SLC8A3: variants seen among roughly 807,000 people sequenced by gnomAD.
The protein encoded by SLC8A3 is sodium/calcium exchanger 3.
Under a neutral mutation model 65.4 loss-of-function variants are expected in SLC8A3, and 37 were observed. The observed-to-expected ratio is 0.57, with a 90% CI of 0.44 to 0.74. The LOEUF (loss-of-function observed/expected upper bound fraction) is 0.74. Ranked by LOEUF, SLC8A3 falls within the 30% of genes least tolerant of loss-of-function variation. The pLI is 0.00. For synonymous variants in SLC8A3, 461 were observed against 444.5 expected (o/e 1.04, Z -0.47); for missense variants, 1,112 against 1,172.1 (o/e 0.95, Z 0.75).
At chr14:70,139,945 C>T (rs1228663688) in intron 2 of SLC8A3, among the ~76,000 whole-genome samples, 2 of 152,126 alleles carry the variant, frequency 1.3e-5, no homozygotes, top group Admixed American at 6.5e-5. Flanking sequence ...TCTGCAAGTT[C>T]GTTGAATCAT....
rs189511573 is a variant in SLC8A3 at position 70,050,173 on chromosome 14, G to A, written c.2113+835C>T. On this transcript the variant is annotated intron_variant, in intron 5 of 6. Coordinates refer to ENST00000356921, the MANE Select transcript of SLC8A3 (RefSeq NM_182932.3). ...GGGTAGATGATGTGGCCTACATTCCGTTTATTGTCTTGAGGGGCACAGTCA... is the reference window on the plus strand; with the variant it reads ...GGGTAGATGATGTGGCCTACATTCCATTTATTGTCTTGAGGGGCACAGTCA... Among the ~76,000 whole-genome samples the A allele has an allele frequency of 3.6e-3, 551 of 152,202 alleles. 3 individuals are homozygous for A. The highest frequency in any genetic ancestry group is 0.01 in the Middle Eastern group (3 of 294).
In SLC8A3 at chr14:70,167,420, G is replaced by A. The variant is rs774946674; in HGVS notation, c.1003C>T (p.Leu335=). The A allele has an allele frequency of 2.5e-6, 4 of 1,614,002 alleles. No individual in the cohort carries two copies. The highest frequency in any genetic ancestry group is 3.4e-6 in the Non-Finnish European group (4 of 1,180,028). ...QKHPEKDLDQ[L]VEMANYYALS... The stretch of plus-strand genomic sequence containing the variant: ...GCATAGTAATTGGCCATCTCCACCA[G>A]CTGATCTAAGTCCTTCTCTGGGTGT... The change falls in exon 2 of 7, where the codon CTG becomes TTG. Residue 335 remains leucine (L), a synonymous_variant. Coordinates refer to ENST00000356921, the MANE Select transcript of SLC8A3 (RefSeq NM_182932.3).
At position 70,168,239 on chromosome 14, in the gene SLC8A3, T is replaced by C. The variant is rs760198100; in HGVS notation, c.184A>G (p.Ile62Val). Reference sequence around the variant, plus strand: ...AGGGAAGGGTTCTCCGGGTACCAGATTGGCAGGATGACACCCTCCTTGCAG... The same window carrying C: ...AGGGAAGGGTTCTCCGGGTACCAGACTGGCAGGATGACACCCTCCTTGCAG... Reference protein sequence around the residue: ...SDCKEGVILPIWYPENPSLGD... With the variant: ...SDCKEGVILPVWYPENPSLGD... The change falls in exon 2 of 7, where the codon ATC (isoleucine) becomes GTC (valine). Residue 62 changes from isoleucine to valine, a missense_variant. Transcript: ENST00000356921. 3.1e-6 allele frequency: 5 copies of C among 1,614,152 alleles called. No homozygotes were observed. In the Admixed American group the frequency reaches 5.0e-5, roughly 16 times the overall value.
chr14:70,088,236 T>A (rs550002634), intron 2 of SLC8A3, among the ~76,000 whole-genome samples: 1 of 152,290 alleles, frequency 6.6e-6, no homozygotes, highest in East Asian at 1.9e-4. Flanking sequence ...GAGATATACA[T>A]CTGTTTGGTG....
intron 2 of SLC8A3, among the ~76,000 whole-genome samples, chr14:70,068,041 G>A (rs1027564694): frequency 2.6e-5 from 4 of 152,172 alleles, no homozygotes; most frequent in Non-Finnish European, 5.9e-5. Context: ...GAGCTGCTGC[G>A]GAAACCTGCT....
At chr14:70,133,002 C>G (rs1458044396) in intron 2 of SLC8A3, among the ~76,000 whole-genome samples, 3 of 151,826 alleles carry the variant, frequency 2.0e-5, no homozygotes, top group Non-Finnish European at 2.9e-5. Context: ...AGGTTTGACA[C>G]TCAATAAACC....
chr14:70,182,825 G>A (rs1406201043), intron 1 of SLC8A3, among the ~76,000 whole-genome samples: 1 of 152,300 alleles, frequency 6.6e-6, no homozygotes. Flanking sequence ...ATTCTGTGTT[G>A]AAGAAGAAAG....
At chr14:70,093,262 G>A (rs956486121) in intron 2 of SLC8A3, among the ~76,000 whole-genome samples, 2 of 152,216 alleles carry the variant, frequency 1.3e-5, no homozygotes, top group African/African-American at 4.8e-5. Context: ...AGCCCTGAAA[G>A]ACAAAATGAG....
intron 2 of SLC8A3, among the ~76,000 whole-genome samples, chr14:70,071,979 G>A (rs900175797): frequency 6.6e-5 from 10 of 152,164 alleles, no homozygotes; most frequent in African/African-American, 2.4e-4. Flanking sequence ...TCTGCTGCAT[G>A]CAGCTTCTAC....
At chr14:70,123,244 CA>C (rs897551617) in intron 2 of SLC8A3, among the ~76,000 whole-genome samples, 81 of 138,396 alleles carry the variant, frequency 5.9e-4, no homozygotes, top group East Asian at 1.3e-3. Context: ...GACTCTGTCT[CA>C]AAAAAAAAAA....
At chr14:70,077,893 T>C (rs1033132261) in intron 2 of SLC8A3, among the ~76,000 whole-genome samples, 1 of 152,222 alleles carries the variant, frequency 6.6e-6, no homozygotes, top group African/African-American at 2.4e-5. Flanking sequence ...CGATTTCCAC[T>C]TTTCACCTCT....
intron 2 of SLC8A3, chr14:70,063,897 T>A: frequency 6.2e-7 from 1 of 1,609,996 alleles, no homozygotes; most frequent in Non-Finnish European, 8.5e-7. Context: ...CTCATATGCC[T>A]CATCATCAAT....
At chr14:70,116,867 C>T (rs139850348) in intron 2 of SLC8A3, among the ~76,000 whole-genome samples, 125 of 152,296 alleles carry the variant, frequency 8.2e-4, no homozygotes, top group Middle Eastern at 3.4e-3. Context: ...ACTGCTATAT[C>T]ACAAGCATAC....
At chr14:70,172,130 A>G (rs532137732) in intron 1 of SLC8A3, among the ~76,000 whole-genome samples, 2 of 152,184 alleles carry the variant, frequency 1.3e-5, no homozygotes, top group Admixed American at 1.3e-4. Flanking sequence ...ACTCAGAGAT[A>G]TGACTCAACT....
chr14:70,112,316 TGAG>T (rs1208611119), intron 2 of SLC8A3, among the ~76,000 whole-genome samples: 1 of 152,090 alleles, frequency 6.6e-6, no homozygotes, highest in African/African-American at 2.4e-5. Context: ...AATCACCTCT[TGAG>T]GACGAGGCAC....
intron 2 of SLC8A3, among the ~76,000 whole-genome samples, chr14:70,148,278 T>G (rs1472837004): frequency 2.0e-5 from 3 of 152,222 alleles, no homozygotes; most frequent in Non-Finnish European, 4.4e-5. Flanking sequence ...TTATGGTATT[T>G]GTAACTTGCA....
chr14:70,082,787 G>A (rs1406723250), intron 2 of SLC8A3, among the ~76,000 whole-genome samples: 1 of 152,188 alleles, frequency 6.6e-6, no homozygotes, highest in Non-Finnish European at 1.5e-5. Context: ...AATTGAAGGA[G>A]GCCAAGGAAT....
chr14:70,048,996 G>A lies in SLC8A3; in HGVS notation c.2160C>T (p.Ser720=). The change falls in exon 6 of 7, where the codon TCC becomes TCT. Residue 720 remains serine (S), a synonymous_variant. Transcript: ENST00000356921. ...GGAAGTGCATGACGTAGTCAAAGCA[G>A]GAGGGCAGCCTCTCCTCCCCGGATT... ...EDESGEERLP[S]CFDYVMHFLT... 1 of 1,614,060 alleles carries A rather than the reference G, an allele frequency of 6.2e-7. No homozygotes were observed. Among genetic ancestry groups the A allele is most frequent in the Non-Finnish European group, 8.5e-7 (1 of 1,179,906 alleles).
intron 1 of SLC8A3, among the ~76,000 whole-genome samples, chr14:70,186,218 G>A (rs976328558): frequency 1.6e-4 from 24 of 152,116 alleles, no homozygotes; most frequent in Admixed American, 1.1e-3. Context: ...ATGTGAAGAA[G>A]GACATGTTTG....
Sources: gnomAD v4.1 joint callset for allele counts (sites outside exome capture counted in the v4.1 genomes callset) on GRCh38, gnomAD v4.1.1 for gene constraint, MANE v1.5 for transcripts, NCBI Gene and HGNC (gene_info 2026-07-23, HGNC 2026-07-21) for gene names.